The following LHFPL3 variants were observed in gnomAD, a reference collection of about 807,000 sequenced individuals.
LHFPL3 encodes the protein LHFPL tetraspan subfamily member 3.
Under a neutral mutation model 19.3 loss-of-function variants are expected in LHFPL3, and 5 were observed. The ratio of observed to expected loss-of-function variants is 0.26; its 90% CI spans 0.14 to 0.54. LHFPL3 has a LOEUF of 0.54. LHFPL3 is among the 20% of genes least tolerant of loss of function. The pLI, the probability that LHFPL3 is intolerant of heterozygous loss-of-function variation, is 0.94. For missense variants in LHFPL3, 249 were observed against 307.4 expected, an observed-to-expected ratio of 0.81 and a Z score of 1.42; for synonymous variants, 133 against 126.2, an observed-to-expected ratio of 1.05 and a Z score of -0.36.
intron 1 of LHFPL3, among the ~76,000 whole-genome samples, chr7:104,377,646 C>A (rs570350333): frequency 1.3e-5 from 2 of 152,274 alleles, no homozygotes; most frequent in East Asian, 3.9e-4. Context: ...GGAGCTGGCT[C>A]AATTAATGTA....
At chr7:104,420,147 G>C (rs1375786099) in intron 1 of LHFPL3, among the ~76,000 whole-genome samples, 1 of 152,136 alleles carries the variant, frequency 6.6e-6, no homozygotes, top group East Asian at 1.9e-4. Flanking sequence ...ACCAAAGCAG[G>C]GTGGAAGGCA....
At chr7:104,872,375 TG>T (rs1791854467) in intron 2 of LHFPL3, among the ~76,000 whole-genome samples, 1 of 150,702 alleles carries the variant, frequency 6.6e-6, no homozygotes, top group Non-Finnish European at 1.5e-5. Context: ...CGAGGCACAG[TG>T]GCTCACGCCT....
intron 2 of LHFPL3, among the ~76,000 whole-genome samples, chr7:104,783,180 C>G (rs1299903837): frequency 6.6e-6 from 1 of 152,226 alleles, no homozygotes; most frequent in Non-Finnish European, 1.5e-5. Flanking sequence ...GCTTCTGGTG[C>G]ACATTGAAGT....
intron 2 of LHFPL3, among the ~76,000 whole-genome samples, chr7:104,845,097 G>C (rs576436564): frequency 6.6e-6 from 1 of 152,208 alleles, no homozygotes; most frequent in African/African-American, 2.4e-5. Flanking sequence ...GGTGAGGTAA[G>C]TGCTACTATT....
intron 1 of LHFPL3, among the ~76,000 whole-genome samples, chr7:104,491,077 G>T (rs903223795): frequency 1.3e-5 from 2 of 152,100 alleles, no homozygotes; most frequent in African/African-American, 4.8e-5. Flanking sequence ...GGAAGAGCAG[G>T]TCTCAGAGAA....
At chr7:104,488,140 C>T (rs532473666) in intron 1 of LHFPL3, among the ~76,000 whole-genome samples, 1 of 152,244 alleles carries the variant, frequency 6.6e-6, no homozygotes, top group Admixed American at 6.5e-5. Flanking sequence ...TCTAAGACCT[C>T]CCACAGCTTA....
intron 1 of LHFPL3, among the ~76,000 whole-genome samples, chr7:104,736,394 C>T (rs1038703497): frequency 6.6e-6 from 1 of 152,136 alleles, no homozygotes; most frequent in African/African-American, 2.4e-5. Context: ...TTCTTAACCT[C>T]TTTCGGGATG....
intron 1 of LHFPL3, among the ~76,000 whole-genome samples, chr7:104,543,503 T>C (rs1158238311): frequency 1.3e-5 from 2 of 151,672 alleles, no homozygotes; most frequent in Non-Finnish European, 2.9e-5. Flanking sequence ...AGCAAAGACT[T>C]GGAACCAACC....
chr7:104,844,754 T>C (rs1204799830), intron 2 of LHFPL3, among the ~76,000 whole-genome samples: 2 of 152,162 alleles, frequency 1.3e-5, no homozygotes, highest in Admixed American at 6.5e-5. Flanking sequence ...TTTTCTTTCT[T>C]TTTTGAGACG....
intron 1 of LHFPL3, among the ~76,000 whole-genome samples, chr7:104,372,300 G>A (rs984483624): frequency 7.9e-5 from 12 of 152,186 alleles, no homozygotes; most frequent in African/African-American, 2.9e-4. Flanking sequence ...CCTGTGAAAT[G>A]GAAATGCAGG....
intron 2 of LHFPL3, among the ~76,000 whole-genome samples, chr7:104,872,533 T>A (rs1791856631): frequency 6.6e-6 from 1 of 151,608 alleles, no homozygotes; most frequent in Non-Finnish European, 1.5e-5. Flanking sequence ...TAATCCCAGC[T>A]ACTCAGGAGG....
chr7:104,779,150 A>G (rs1441555834), intron 2 of LHFPL3, among the ~76,000 whole-genome samples: 3 of 152,156 alleles, frequency 2.0e-5, no homozygotes. Context: ...TAGCTGTATG[A>G]TCTCTATGCC....
At chr7:104,722,360 T>C (rs1793505024) in intron 1 of LHFPL3, among the ~76,000 whole-genome samples, 1 of 152,184 alleles carries the variant, frequency 6.6e-6, no homozygotes, top group Admixed American at 6.5e-5. Context: ...TTCTAACTCT[T>C]CTCTTTTAAG....
chr7:104,687,654 T>C (rs1342370136), intron 1 of LHFPL3, among the ~76,000 whole-genome samples: 1 of 152,162 alleles, frequency 6.6e-6, no homozygotes, highest in Non-Finnish European at 1.5e-5. Flanking sequence ...AGGCCAAATA[T>C]ATATTTCACA....
chr7:104,379,253 A>C (rs897080793), intron 1 of LHFPL3, among the ~76,000 whole-genome samples: 1 of 152,224 alleles, frequency 6.6e-6, no homozygotes, highest in Admixed American at 6.5e-5. Flanking sequence ...GGACGGAGTC[A>C]AATCTCCAAA....
intron 1 of LHFPL3, chr7:104,623,005 T>C: frequency 2.7e-6 from 1 of 375,640 alleles, no homozygotes; most frequent in South Asian, 2.0e-5. Context: ...TCATTGTAAT[T>C]TTTGATTTGC....
intron 1 of LHFPL3, among the ~76,000 whole-genome samples, chr7:104,579,641 T>C (rs1186847879): frequency 6.6e-6 from 1 of 152,242 alleles, no homozygotes; most frequent in African/African-American, 2.4e-5. Context: ...GTCATTATTA[T>C]TGAGCACTTT....
At chr7:104,843,293 C>A (rs756147540) in intron 2 of LHFPL3, among the ~76,000 whole-genome samples, 3 of 152,224 alleles carry the variant, frequency 2.0e-5, no homozygotes, top group Non-Finnish European at 4.4e-5. Flanking sequence ...CTTCTCAGAG[C>A]ACGTCAGTGT....
At chr7:104,477,469 A>G (rs1227832557) in intron 1 of LHFPL3, among the ~76,000 whole-genome samples, 1 of 152,224 alleles carries the variant, frequency 6.6e-6, no homozygotes, top group Non-Finnish European at 1.5e-5. Flanking sequence ...ATAATCATTA[A>G]TCAAATAATC....
Sources: allele counts gnomAD v4.1 joint callset (sites outside exome capture counted in the v4.1 genomes callset), GRCh38; gene constraint gnomAD v4.1.1; transcripts MANE v1.5; gene names NCBI Gene and HGNC (gene_info 2026-07-23, HGNC 2026-07-21).